ZBBX: variants seen among roughly 807,000 people sequenced by gnomAD.
ZBBX encodes the protein zinc finger B-box domain-containing protein 1.
In ZBBX, 101 loss-of-function variants were observed where a neutral mutation model predicts 108.5. That is an observed-to-expected ratio of 0.93 (90% confidence interval 0.79 to 1.10). The LOEUF (loss-of-function observed/expected upper bound fraction) is 1.10, where lower values mean the gene tolerates loss of function less well. Ranked by LOEUF, ZBBX falls within the 50% of genes least tolerant of loss-of-function variation. ZBBX has a pLI of 0.00. For missense variants in ZBBX, 1,009 were observed against 941.4 expected, an observed-to-expected ratio of 1.07 and a Z score of -0.94; for synonymous variants, 356 against 323.4, an observed-to-expected ratio of 1.10 and a Z score of -1.08.
At chr3:167,219,270 C>T in the ZBBX span, among the ~76,000 whole-genome samples, 1 of 151,938 alleles carries the variant, frequency 6.6e-6, no homozygotes, top group African/African-American at 2.4e-5. Context: ...GCATTATACA[C>T]CAAATGGATC....
chr3:167,210,296 T>C, the ZBBX span, among the ~76,000 whole-genome samples: 1 of 151,892 alleles, frequency 6.6e-6, no homozygotes, highest in Non-Finnish European at 1.5e-5. Flanking sequence ...ACCAGCAGAA[T>C]TGATCAAAAA....
At chr3:167,229,313 T>A in the ZBBX span, among the ~76,000 whole-genome samples, 2 of 151,806 alleles carry the variant, frequency 1.3e-5, no homozygotes, top group Non-Finnish European at 2.9e-5. Flanking sequence ...ACTTCTTCTG[T>A]GAAGTTTTCC....
chr3:167,377,027 G>A (rs1361937624), intron 2 of ZBBX, among the ~76,000 whole-genome samples: 1 of 151,946 alleles, frequency 6.6e-6, no homozygotes, highest in Admixed American at 6.6e-5. Flanking sequence ...TGGTCATTCA[G>A]TTTTTTTTAT....
intron 18 of ZBBX, among the ~76,000 whole-genome samples, chr3:167,294,127 A>T (rs928002837): frequency 3.9e-5 from 6 of 152,206 alleles, no homozygotes; most frequent in Non-Finnish European, 8.8e-5. Context: ...TGCTGAAAGT[A>T]ATTTATAGAT....
chr3:167,335,541 C>T lies in ZBBX; in HGVS notation c.529-1556G>A, dbSNP rs188964823. On this transcript the variant is annotated intron_variant, in intron 9 of 21. Coordinates refer to ENST00000675490, the MANE Select transcript of ZBBX (RefSeq NM_001199201.2). ...ACAGGAAGTAGCTCTTATTTCTTAG[C>T]AAATATCCTCCAAACAAGAAAAATT... Among the ~76,000 whole-genome samples the T allele has an allele frequency of 3.6e-3, 540 of 151,664 alleles. 3 individuals carry two copies. The highest frequency in any genetic ancestry group is 5.5e-3 in the Admixed American group (84 of 15,176).
the ZBBX span, among the ~76,000 whole-genome samples, chr3:167,185,488 C>T: frequency 0.67 from 102,107 of 151,874 alleles, 35,590 homozygotes; most frequent in African/African-American, 0.87. Flanking sequence ...TTTATAATTA[C>T]AAAATAAAAA....
At chr3:167,367,968 G>GTA (rs927024323) in intron 5 of ZBBX, among the ~76,000 whole-genome samples, 810 of 21,850 alleles carry the variant, frequency 0.037, 5 homozygotes, top group East Asian at 0.066. Context: ...TTATATATAT[G>GTA]TATATATATA....
downstream of ZBBX, among the ~76,000 whole-genome samples, chr3:167,239,421 A>C (rs955292731): frequency 1.3e-5 from 2 of 152,068 alleles, no homozygotes; most frequent in African/African-American, 4.8e-5. Context: ...CACTCCTGAG[A>C]CACAAAACTC....
At chr3:167,260,181 G>C (rs979394454) in intron 20 of ZBBX, among the ~76,000 whole-genome samples, 3 of 152,130 alleles carry the variant, frequency 2.0e-5, no homozygotes, top group Admixed American at 2.0e-4. Flanking sequence ...CTAGCTTATA[G>C]GGTTTCTGCT....
chr3:167,184,484 C>A, the ZBBX span, among the ~76,000 whole-genome samples: 4 of 152,010 alleles, frequency 2.6e-5, no homozygotes, highest in African/African-American at 9.7e-5. Flanking sequence ...ATCATATGAC[C>A]CAGAAATCTT....
chr3:167,402,988 G>C (rs995943129), intron 1 of ZBBX, among the ~76,000 whole-genome samples: 2 of 152,172 alleles, frequency 1.3e-5, no homozygotes, highest in African/African-American at 4.8e-5. Context: ...TGGAAGAACA[G>C]AAGGATAGGA....
chr3:167,400,467 C>T (rs1287763603), intron 1 of ZBBX, among the ~76,000 whole-genome samples: 2 of 152,090 alleles, frequency 1.3e-5, no homozygotes, highest in East Asian at 3.9e-4. Flanking sequence ...TGATGATAAG[C>T]ATTTTTTCAT....
chr3:167,355,364 C>G (rs910234616), intron 8 of ZBBX, among the ~76,000 whole-genome samples: 2 of 151,832 alleles, frequency 1.3e-5, no homozygotes, highest in African/African-American at 4.8e-5. Flanking sequence ...TTACTGTTAT[C>G]CGTAGTAACC....
chr3:167,250,975 C>T (rs897292092), intron 20 of ZBBX, among the ~76,000 whole-genome samples: 1 of 152,066 alleles, frequency 6.6e-6, no homozygotes, highest in Non-Finnish European at 1.5e-5. Context: ...AGTACATCAG[C>T]GGAAAAAGAC....
chr3:167,258,562 G>C (rs1723922118), intron 20 of ZBBX, among the ~76,000 whole-genome samples: 1 of 149,554 alleles, frequency 6.7e-6, no homozygotes, highest in Non-Finnish European at 1.5e-5. Flanking sequence ...AGTGGTAAGA[G>C]TAGACATCCT....
At chr3:167,306,936 C>T (rs1733745524) in intron 16 of ZBBX, among the ~76,000 whole-genome samples, 1 of 152,138 alleles carries the variant, frequency 6.6e-6, no homozygotes, top group African/African-American at 2.4e-5. Flanking sequence ...TTACAAAGGA[C>T]TTGCTTGTTG....
intron 16 of ZBBX, among the ~76,000 whole-genome samples, chr3:167,307,945 A>G (rs1560102727): frequency 6.6e-6 from 1 of 152,236 alleles, no homozygotes; most frequent in Non-Finnish European, 1.5e-5. Context: ...AATAGCAGCA[A>G]AGCAAAAATT....
chr3:167,225,324 CA>C, the ZBBX span, among the ~76,000 whole-genome samples: 4 of 151,878 alleles, frequency 2.6e-5, no homozygotes, highest in Non-Finnish European at 4.4e-5. Flanking sequence ...CTTTGCAAAA[CA>C]CTTAAGAAAA....
chr3:167,288,723 CGAG>C, intron 19 of ZBBX, 141 bp downstream of exon 19: 1 of 434,906 alleles, frequency 2.3e-6, no homozygotes, highest in East Asian at 3.4e-5. Flanking sequence ...GAAGAAAAGT[CGAG>C]GACATTTAGT....
Sources: gnomAD v4.1 joint callset for allele counts (sites outside exome capture counted in the v4.1 genomes callset) on GRCh38, gnomAD v4.1.1 for gene constraint, MANE v1.5 for transcripts, NCBI Gene and HGNC (gene_info 2026-07-23, HGNC 2026-07-21) for gene names.